The following SDK1 variants were observed in gnomAD, a reference collection of about 807,000 sequenced individuals.
SDK1 encodes sidekick cell adhesion molecule 1, also known as protein sidekick-1.
In SDK1, 157 loss-of-function variants were observed where a neutral mutation model predicts 245.5. The ratio of observed to expected loss-of-function variants is 0.64; its 90% CI spans 0.56 to 0.73. SDK1 has a LOEUF of 0.73. Among genes scored for constraint, SDK1 ranks in the 30% least tolerant of loss-of-function variants. The probability of loss-of-function intolerance (pLI) is 0.00; values close to 1 mark genes in which losing one functional copy is unlikely to be tolerated. For synonymous variants in SDK1, 1,647 were observed against 1,278.5 expected (o/e 1.29, Z -6.15); for missense variants, 3,583 against 3,002.3 (o/e 1.19, Z -4.52).
chr7:3,687,236 A>G (rs1484386816), intron 4 of SDK1, among the ~76,000 whole-genome samples: 2 of 150,196 alleles, frequency 1.3e-5, no homozygotes, highest in African/African-American at 4.9e-5. Context: ...CAGTGGTGCG[A>G]TCTCAGCTCA....
intron 17 of SDK1, 29 bp from the exon 18 acceptor site, chr7:4,049,318 CT>C (rs757220911): frequency 2.6e-6 from 4 of 1,561,434 alleles, no homozygotes; most frequent in Non-Finnish European, 3.5e-6. Context: ...GCCATTTGTT[CT>C]GCTGTCATCA....
chr7:4,174,740 A>G (rs1357970767), intron 33 of SDK1, among the ~76,000 whole-genome samples: 2 of 152,146 alleles, frequency 1.3e-5, no homozygotes, highest in African/African-American at 4.8e-5. Context: ...TGTCTGTACC[A>G]GACAGCCTCA....
intron 40 of SDK1, among the ~76,000 whole-genome samples, chr7:4,226,430 C>A (rs986113593): frequency 3.3e-5 from 5 of 152,270 alleles, no homozygotes; most frequent in Non-Finnish European, 5.9e-5. Flanking sequence ...GCAGCCCGGG[C>A]AGATGGTAGT....
chr7:4,214,795 T>C (rs1384045575), intron 38 of SDK1, among the ~76,000 whole-genome samples: 1 of 151,908 alleles, frequency 6.6e-6, no homozygotes, highest in Non-Finnish European at 1.5e-5. Flanking sequence ...TTATAGAGCT[T>C]CCTCTAGACA....
intron 17 of SDK1, among the ~76,000 whole-genome samples, chr7:4,042,496 G>T (rs933371805): frequency 1.5e-5 from 2 of 136,262 alleles, no homozygotes; most frequent in Non-Finnish European, 3.0e-5. Flanking sequence ...GTGCCTGCGT[G>T]GGGGGAATTA....
chr7:3,708,013 A>T (rs1275453653), intron 4 of SDK1, among the ~76,000 whole-genome samples: 1 of 152,082 alleles, frequency 6.6e-6, no homozygotes, highest in Non-Finnish European at 1.5e-5. Context: ...TTTTAAAAAG[A>T]GGTTTAGATA....
At chr7:3,359,848 A>G (rs1387196829) in intron 1 of SDK1, among the ~76,000 whole-genome samples, 1 of 152,190 alleles carries the variant, frequency 6.6e-6, no homozygotes, top group Non-Finnish European at 1.5e-5. Flanking sequence ...GGAGACAGGA[A>G]TTCTTACTGT....
intron 5 of SDK1, among the ~76,000 whole-genome samples, chr7:3,867,834 T>G (rs1191340857): frequency 1.3e-5 from 2 of 152,208 alleles, no homozygotes; most frequent in African/African-American, 2.4e-5. Context: ...ATAACTATGT[T>G]TTATTTCTTC....
intron 40 of SDK1, among the ~76,000 whole-genome samples, chr7:4,228,834 G>A (rs927317236): frequency 1.1e-4 from 17 of 152,154 alleles, no homozygotes; most frequent in African/African-American, 2.4e-4. Context: ...CACTGCACCC[G>A]GCCCTTGCTT....
rs932957115 is a variant in SDK1 at position 4,265,334 on chromosome 7, G to T, written c.6592G>T (p.Ala2198Ser). 1 of 1,475,298 alleles carries T rather than the reference G, an allele frequency of 6.8e-7. No individual in the cohort carries two copies. 91.4% of individuals were successfully genotyped at this position (1,475,298 alleles called of 1,614,324 possible). A position where few individuals can be genotyped will look rare whatever the true frequency, so the allele number is the denominator to read the frequency against. ...GAGCGCGGGCGGCGTCTACACCCCCGCTGGCCCCGGCGCGCGAACTCCGCT... is the reference window on the plus strand; with the variant it reads ...GAGCGCGGGCGGCGTCTACACCCCCTCTGGCCCCGGCGCGCGAACTCCGCT... Reference protein sequence around the residue: ...TQSAGGVYTPAGPGARTPLTG... With the variant: ...TQSAGGVYTPSGPGARTPLTG... Residue 2198 changes from alanine to serine, a missense_variant, in exon 45 of 45, where the codon GCT becomes TCT. Transcript: ENST00000404826.
intron 1 of SDK1, among the ~76,000 whole-genome samples, chr7:3,526,911 C>T (rs1200269100): frequency 1.3e-5 from 2 of 152,042 alleles, no homozygotes; most frequent in Admixed American, 1.3e-4. Flanking sequence ...AGGCTTTTTC[C>T]TTGAGACACT....
intron 1 of SDK1, among the ~76,000 whole-genome samples, chr7:3,475,496 A>T (rs537018021): frequency 6.6e-6 from 1 of 152,340 alleles, no homozygotes; most frequent in East Asian, 1.9e-4. Flanking sequence ...ATCAAGCAGG[A>T]CAAAGGAGAT....
chr7:3,623,228 T>G (rs79851735), intron 2 of SDK1, among the ~76,000 whole-genome samples: 4,437 of 151,422 alleles, frequency 0.029, 193 homozygotes, highest in African/African-American at 0.096. Context: ...GCACAGTGAA[T>G]TTCAAGTGTT....
intron 1 of SDK1, among the ~76,000 whole-genome samples, chr7:3,604,928 A>G (rs1781373909): frequency 6.6e-6 from 1 of 151,986 alleles, no homozygotes; most frequent in African/African-American, 2.4e-5. Flanking sequence ...TGACTTGTTT[A>G]TTTTTAAAAA....
chr7:3,756,377 G>A (rs941363464), intron 4 of SDK1, among the ~76,000 whole-genome samples: 13 of 150,516 alleles, frequency 8.6e-5, no homozygotes, highest in Non-Finnish European at 1.5e-4. Flanking sequence ...CTTTCACATG[G>A]CATAGCACAT....
At chr7:3,990,871 A>AT in intron 14 of SDK1, among the ~76,000 whole-genome samples, 1 of 152,204 alleles carries the variant, frequency 6.6e-6, no homozygotes, top group East Asian at 1.9e-4. Flanking sequence ...TTCTCAGCTG[A>AT]TGGCATGACT....
In SDK1 at chr7:3,865,210, G is replaced by T. The variant is rs575141912; in HGVS notation, c.847+43627G>T. 3.9e-4 allele frequency among the ~76,000 whole-genome samples: 59 copies of T among 152,316 alleles called. 1 individual carries two copies. Among genetic ancestry groups the T allele is most frequent in the African/African-American group, 1.4e-3 (59 of 41,576 alleles). ...GAGCCACAGCAGATGGGGCAGGAGG[G>T]CCCAGGGGGCTGGAGGTTGTGGAAG... On this transcript the variant is annotated intron_variant, in intron 5 of 44. Coordinates refer to ENST00000404826, the MANE Select transcript of SDK1 (RefSeq NM_152744.4).
chr7:4,124,792 A>G (rs769344369), intron 25 of SDK1, among the ~76,000 whole-genome samples: 18 of 152,224 alleles, frequency 1.2e-4, no homozygotes, highest in Non-Finnish European at 2.6e-4. Flanking sequence ...TCTCTGTGTA[A>G]TGAGGAAGTC....
At chr7:3,759,473 G>A (rs890143769) in intron 4 of SDK1, among the ~76,000 whole-genome samples, 4 of 152,130 alleles carry the variant, frequency 2.6e-5, no homozygotes, top group Admixed American at 6.5e-5. Context: ...GAAAGCCAGC[G>A]ACTGTGGACT....
Sources: gnomAD v4.1 joint callset for allele counts (sites outside exome capture counted in the v4.1 genomes callset) on GRCh38, gnomAD v4.1.1 for gene constraint, MANE v1.5 for transcripts, NCBI Gene and HGNC (gene_info 2026-07-23, HGNC 2026-07-21) for gene names.